CCDC178: variants seen among roughly 807,000 people sequenced by gnomAD.
CCDC178 encodes coiled-coil domain-containing protein 178.
CCDC178 carries 126 observed loss-of-function variants against 117.4 expected under a neutral mutation model. The observed-to-expected ratio is 1.07, with a 90% confidence interval of 0.93 to 1.24. CCDC178 has a LOEUF of 1.24. Among genes scored for constraint, CCDC178 ranks in the 50% most tolerant of loss-of-function variants. The pLI is 0.00. For missense variants in CCDC178, 1,030 were observed against 986.9 expected (o/e 1.04, Z -0.59); for synonymous variants, 283 against 313.4 (o/e 0.90, Z 1.02).
intron 13 of CCDC178, 41 bp downstream of exon 13, chr18:33,267,161 A>G: frequency 6.5e-7 from 1 of 1,542,664 alleles, no homozygotes; most frequent in Non-Finnish European, 8.8e-7. Flanking sequence ...TGGAAATAGA[A>G]AATGGCGTTC....
intron 22 of CCDC178, among the ~76,000 whole-genome samples, chr18:32,944,727 C>T (rs942250166): frequency 3.9e-5 from 6 of 152,148 alleles, no homozygotes; most frequent in African/African-American, 1.4e-4. Context: ...ATTGTAGCTC[C>T]CATAATTCCC....
chr18:33,408,068 T>TAACAA (rs763974695), intron 3 of CCDC178, among the ~76,000 whole-genome samples: 38 of 152,014 alleles, frequency 2.5e-4, no homozygotes, highest in Middle Eastern at 3.4e-3. Context: ...AAAAGTTGTT[T>TAACAA]GTCCCAGAAA....
intron 4 of CCDC178, among the ~76,000 whole-genome samples, chr18:33,392,280 G>T (rs1297667713): frequency 6.6e-6 from 1 of 152,178 alleles, no homozygotes; most frequent in Non-Finnish European, 1.5e-5. Context: ...TTTCCAAGCT[G>T]CTGAGCTTCT....
intron 21 of CCDC178, among the ~76,000 whole-genome samples, chr18:33,046,236 T>C (rs2056640588): frequency 6.6e-6 from 1 of 152,216 alleles, no homozygotes; most frequent in African/African-American, 2.4e-5. Context: ...TAGTATCTTA[T>C]CCTTGCATCT....
At chr18:33,121,801 C>T (rs1192044767) in intron 20 of CCDC178, among the ~76,000 whole-genome samples, 1 of 152,112 alleles carries the variant, frequency 6.6e-6, no homozygotes, top group East Asian at 1.9e-4. Context: ...AAAATACAGT[C>T]ACATGCCATG....
chr18:33,243,808 A>G (rs894469685), intron 15 of CCDC178, among the ~76,000 whole-genome samples: 38 of 151,994 alleles, frequency 2.5e-4, no homozygotes, highest in Non-Finnish European at 2.1e-4. Context: ...TCAATTAGAA[A>G]AATTGAAATA....
chr18:33,018,205 G>C (rs913935215), intron 21 of CCDC178, among the ~76,000 whole-genome samples: 1 of 152,002 alleles, frequency 6.6e-6, no homozygotes, highest in African/African-American at 2.4e-5. Flanking sequence ...TTAGTCATTT[G>C]AGAAATCAAA....
chr18:33,240,640 C>T (rs2059476351), intron 15 of CCDC178, among the ~76,000 whole-genome samples: 1 of 151,672 alleles, frequency 6.6e-6, no homozygotes, highest in African/African-American at 2.4e-5. Context: ...TACAATCTAC[C>T]AAGATTGAAT....
At chr18:33,187,225 C>A (rs1278156549) in intron 20 of CCDC178, among the ~76,000 whole-genome samples, 1 of 152,014 alleles carries the variant, frequency 6.6e-6, no homozygotes, top group Non-Finnish European at 1.5e-5. Flanking sequence ...CATCATCTCC[C>A]ATCAGGTCCC....
At chr18:33,202,753 A>C (rs973882778) in intron 20 of CCDC178, among the ~76,000 whole-genome samples, 10 of 152,186 alleles carry the variant, frequency 6.6e-5, no homozygotes, top group Middle Eastern at 3.2e-3. Flanking sequence ...CTCTGAGCAC[A>C]TTACACTCCA....
intron 21 of CCDC178, among the ~76,000 whole-genome samples, chr18:33,042,208 C>T (rs988414448): frequency 2.0e-5 from 3 of 151,848 alleles, no homozygotes; most frequent in Non-Finnish European, 2.9e-5. Flanking sequence ...AGAAAACTGT[C>T]AGTTGCCACC....
rs538529685 is a variant in CCDC178 at position 33,057,521 on chromosome 18, C to T, written c.2388+35240G>A. ...TGAATTTTTTTTTTAGATGGAGTTT[C>T]GCTCTTGTCACCCAGGCTGGAGTGC... is the stretch of plus-strand genomic sequence containing the variant. On this transcript the variant is annotated intron_variant, in intron 21 of 22. Coordinates refer to ENST00000383096, the MANE Select transcript of CCDC178 (RefSeq NM_001105528.4). 2.6e-5 allele frequency among the ~76,000 whole-genome samples: 4 copies of T among 151,908 alleles called. No individual in the cohort carries two copies. The South Asian group carries it at 6.2e-4, about 24-fold the overall frequency.
intron 20 of CCDC178, among the ~76,000 whole-genome samples, chr18:33,130,737 C>A (rs770000022): frequency 6.6e-6 from 1 of 151,912 alleles, no homozygotes; most frequent in African/African-American, 2.4e-5. Context: ...GTTCTACTAG[C>A]AAGAAATACG....
In CCDC178 at chr18:33,001,493, A is replaced by G. The variant is rs150257284; in HGVS notation, c.2389-26812T>C. 4.3e-3 allele frequency among the ~76,000 whole-genome samples: 650 copies of G among 152,246 alleles called. 8 individuals are homozygous for G. The highest frequency in any genetic ancestry group is 0.015 in the African/African-American group (621 of 41,522). ...ACGCCACTGCACTCCACCCTGGGCGACAGAGCGAGACTCTGTCTCAAAAAA... is the reference window on the plus strand; with the variant it reads ...ACGCCACTGCACTCCACCCTGGGCGGCAGAGCGAGACTCTGTCTCAAAAAA... On this transcript the variant is annotated intron_variant, in intron 21 of 22. Transcript: ENST00000383096.
At chr18:32,984,460 G>A (rs765055457) in intron 21 of CCDC178, among the ~76,000 whole-genome samples, 39 of 151,826 alleles carry the variant, frequency 2.6e-4, no homozygotes, top group Non-Finnish European at 4.9e-4. Context: ...GTAACAACCT[G>A]CAAAACTTAA....
intron 20 of CCDC178, among the ~76,000 whole-genome samples, chr18:33,116,532 T>C (rs1408296258): frequency 2.0e-5 from 3 of 152,094 alleles, no homozygotes; most frequent in South Asian, 4.1e-4. Flanking sequence ...ACACACAAGG[T>C]GGCAGCTGGA....
intron 20 of CCDC178, among the ~76,000 whole-genome samples, chr18:33,135,095 T>C (rs1450907896): frequency 2.0e-5 from 3 of 152,104 alleles, no homozygotes; most frequent in African/African-American, 4.8e-5. Context: ...AAATGCTGAA[T>C]TGAAGTTATA....
intron 12 of CCDC178, among the ~76,000 whole-genome samples, chr18:33,272,260 A>T (rs66501815): frequency 0.069 from 10,431 of 151,584 alleles, 559 homozygotes; most frequent in African/African-American, 0.14. Context: ...ATTATAAGAG[A>T]ATATTATAAA....
intron 5 of CCDC178, among the ~76,000 whole-genome samples, chr18:33,372,249 T>C (rs1190335715): frequency 4.6e-5 from 7 of 152,106 alleles, no homozygotes; most frequent in Non-Finnish European, 7.4e-5. Context: ...TTTTATTTCA[T>C]TGCAAGCATG....
Sources: gnomAD v4.1 joint callset for allele counts (sites outside exome capture counted in the v4.1 genomes callset) on GRCh38, gnomAD v4.1.1 for gene constraint, MANE v1.5 for transcripts, NCBI Gene and HGNC (gene_info 2026-07-23, HGNC 2026-07-21) for gene names.